Variants in ZGRF1 observed in about 807,000 individuals in gnomAD.
The protein encoded by ZGRF1 is zinc finger GRF-type containing 1.
ZGRF1 carries 196 observed loss-of-function variants against 203.5 expected under a neutral mutation model. The ratio of observed to expected loss-of-function variants is 0.96; its 90% CI spans 0.86 to 1.08. ZGRF1 has a LOEUF of 1.08. ZGRF1 is among the 50% of genes least tolerant of loss of function. The probability of loss-of-function intolerance (pLI) is 0.00; values close to 1 mark genes in which losing one functional copy is unlikely to be tolerated. For missense variants in ZGRF1, 2,326 were observed against 2,416.3 expected (o/e 0.96, Z 0.78); for synonymous variants, 809 against 841.3 (o/e 0.96, Z 0.66).
At chr4:112,585,768 T>A in intron 13 of ZGRF1, 43 bp from the exon 14 acceptor site, 1 of 1,453,568 alleles carries the variant, frequency 6.9e-7, no homozygotes, top group South Asian at 1.4e-5. Flanking sequence ...AAATACAAAA[T>A]AATTTTGTTT....
chr4:112,624,762 T>C (rs148388657), intron 3 of ZGRF1, among the ~76,000 whole-genome samples: 146 of 152,282 alleles, frequency 9.6e-4, no homozygotes, highest in Admixed American at 2.8e-3. Context: ...CCTTTTAATA[T>C]TGGTGTTTCC....
At position 112,539,640 on chromosome 4, in the gene ZGRF1, G is replaced by C. The variant is rs892737221; in HGVS notation, c.6222C>G (p.Asn2074Lys). ...TTTCAAAATAATCTTTAAGGAGATG[G>C]TTCAGCTGTGGTTCATACTGGTTTG... ...QHANQYEPQL[N>K]HLLKDYFEKQ... is the part of the protein sequence containing the mutation. Residue 2074 changes from asparagine (N) to lysine (K), a missense_variant, in exon 28 of 28, where the codon AAC becomes AAG. By Grantham distance (94) the Asn-to-Lys change is moderately conservative. Transcript: ENST00000505019. 6 of 1,605,798 alleles carry C rather than the reference G, an allele frequency of 3.7e-6. No homozygotes were observed. The African/African-American group carries it at 5.4e-5, about 14-fold the overall frequency.
chr4:112,587,036 T>C (rs1464518825), intron 12 of ZGRF1, among the ~76,000 whole-genome samples: 1 of 152,198 alleles, frequency 6.6e-6, no homozygotes, highest in African/African-American at 2.4e-5. Context: ...AGCTATCACT[T>C]ATTAAGTACT....
Position 112,624,529 on chromosome 4 carries a change from A to T in ZGRF1, c.103-653T>A, listed in dbSNP as rs571103317. ...AAGGGGACAAACAGGAGACAAGATC[A>T]TTTTAAGAGATTATTGCAATGGGAT... On this transcript the variant is annotated intron_variant, in intron 3 of 27. Coordinates refer to ENST00000505019, the MANE Select transcript of ZGRF1 (RefSeq NM_018392.5). Among the ~76,000 whole-genome samples, 6 of 152,222 alleles carry T rather than the reference A, an allele frequency of 3.9e-5. No individual in the cohort carries two copies. The East Asian group carries it at 1.2e-3, about 29-fold the overall frequency.
chr4:112,633,295 A>T (rs2047473797), intron 1 of ZGRF1, 53 bp from the exon 2 acceptor site: 1 of 830,792 alleles, frequency 1.2e-6, no homozygotes, highest in Non-Finnish European at 1.9e-6. Flanking sequence ...AAAATATCAA[A>T]TATAATTTTT....
At chr4:112,614,832 A>G (rs1281157250) in intron 6 of ZGRF1, among the ~76,000 whole-genome samples, 1 of 152,110 alleles carries the variant, frequency 6.6e-6, no homozygotes, top group Non-Finnish European at 1.5e-5. Context: ...GTGTCAAAAA[A>G]AAAAAAGTCC....
rs1301625803 is a variant in ZGRF1 at position 112,617,587 on chromosome 4, G to T, written c.2455C>A (p.Leu819Ile). The change falls in exon 6 of 28, where the codon CTT becomes ATT. Residue 819 changes from leucine to isoleucine, a missense_variant. Coordinates refer to ENST00000505019, the MANE Select transcript of ZGRF1 (RefSeq NM_018392.5). ...GAAATGGTATTTACTAATCCAGAAA[G>T]TTCTGAAGAATTTCTAGGATTCCAG... ...QYWNPRNSSE[L>I]SGLVNTISIL... The T allele has an allele frequency of 6.2e-7, 1 of 1,613,872 alleles. No homozygotes were observed. The highest frequency in any genetic ancestry group is 8.5e-7 in the Non-Finnish European group (1 of 1,179,920).
chr4:112,596,062 A>G (rs1748954201), intron 10 of ZGRF1, among the ~76,000 whole-genome samples: 1 of 152,234 alleles, frequency 6.6e-6, no homozygotes, highest in Non-Finnish European at 1.5e-5. Context: ...TATAATCATA[A>G]CTGATGTAGA....
chr4:112,617,611 A>G lies in ZGRF1; in HGVS notation c.2431T>C (p.Trp811Arg), dbSNP rs2046925122. 1 of 1,613,372 alleles carries G rather than the reference A, an allele frequency of 6.2e-7. No homozygotes were observed. Among genetic ancestry groups the G allele is most frequent in the Non-Finnish European group, 8.5e-7 (1 of 1,179,846 alleles). ...VETAREGKQY[W>R]NPRNSSELSG... ...AGTTCTGAAGAATTTCTAGGATTCC[A>G]GTATTGTTTGCCTTCTCTGGCAGTT... The change falls in exon 6 of 28, where the codon TGG (tryptophan) becomes CGG (arginine). Residue 811 changes from tryptophan to arginine, a missense_variant. Physicochemically the swap from Trp to Arg is moderately radical, Grantham distance 101. Transcript: ENST00000505019.
At chr4:112,614,592 G>T (rs2046801972) in intron 6 of ZGRF1, among the ~76,000 whole-genome samples, 1 of 152,200 alleles carries the variant, frequency 6.6e-6, no homozygotes, top group African/African-American at 2.4e-5. Flanking sequence ...ACTTCGGGAG[G>T]CCGAGGTGGG....
At chr4:112,571,847 G>C (rs1376851095) in intron 16 of ZGRF1, among the ~76,000 whole-genome samples, 2 of 152,212 alleles carry the variant, frequency 1.3e-5, no homozygotes, top group Non-Finnish European at 2.9e-5. Flanking sequence ...AGAACAGAGA[G>C]GGGAACTTGC....
At chr4:112,568,517 C>T (rs940157684) in intron 16 of ZGRF1, among the ~76,000 whole-genome samples, 1 of 149,774 alleles carries the variant, frequency 6.7e-6, no homozygotes, top group African/African-American at 2.5e-5. Flanking sequence ...TCGACACCAG[C>T]CTGACCAACA....
chr4:112,545,955 G>A (rs1738666650), intron 24 of ZGRF1, among the ~76,000 whole-genome samples: 2 of 152,046 alleles, frequency 1.3e-5, no homozygotes, highest in South Asian at 4.1e-4. Flanking sequence ...ACTAGGGGCT[G>A]AGGGAAGAGG....
At chr4:112,624,268 C>A (rs909412573) in intron 3 of ZGRF1, among the ~76,000 whole-genome samples, 3 of 151,924 alleles carry the variant, frequency 2.0e-5, no homozygotes, top group Middle Eastern at 3.4e-3. Flanking sequence ...GTAATCCCAG[C>A]ATTTTCGGAG....
chr4:112,564,955 G>A (rs1578292695), intron 16 of ZGRF1: 3 of 808,332 alleles, frequency 3.7e-6, no homozygotes, highest in Non-Finnish European at 6.6e-6. Context: ...CCAGCCGAAG[G>A]AGAAATGAGG....
At chr4:112,606,209 A>T (rs746562899) in intron 8 of ZGRF1, 118 bp from the exon 9 acceptor site, 3 of 659,488 alleles carry the variant, frequency 4.5e-6, no homozygotes, top group Non-Finnish European at 7.8e-6. Context: ...CACACTTGCC[A>T]TCTCTATCTT....
chr4:112,540,726 G>C (rs535919400), intron 26 of ZGRF1, 95 bp downstream of exon 26: 68 of 970,568 alleles, frequency 7.0e-5, no homozygotes, highest in Admixed American at 1.6e-4. Context: ...AGTTTTTCAG[G>C]CACCAAACCA....
chr4:112,540,705 A>T, intron 26 of ZGRF1, 116 bp downstream of exon 26: 1 of 656,094 alleles, frequency 1.5e-6, no homozygotes, highest in Non-Finnish European at 2.4e-6. Flanking sequence ...TATATTAATT[A>T]CAGTACCAAA....
intron 2 of ZGRF1, among the ~76,000 whole-genome samples, chr4:112,632,326 A>G (rs1271878528): frequency 6.6e-6 from 1 of 152,100 alleles, no homozygotes; most frequent in East Asian, 1.9e-4. Flanking sequence ...AAGATAAATG[A>G]GCATTGAAAG....
Sources: allele counts gnomAD v4.1 joint callset (sites outside exome capture counted in the v4.1 genomes callset), GRCh38; gene constraint gnomAD v4.1.1; transcripts MANE v1.5; gene names NCBI Gene and HGNC (gene_info 2026-07-23, HGNC 2026-07-21).